The following PCDHA5 variants were observed in gnomAD, a reference collection of about 807,000 sequenced individuals.
The protein encoded by PCDHA5 is protocadherin alpha 5.
A neutral mutation model predicts 61.6 loss-of-function variants in PCDHA5; 43 were observed. That is an observed-to-expected ratio of 0.70 (90% CI 0.55 to 0.90). PCDHA5 has a LOEUF of 0.90. PCDHA5 is among the 40% of genes least tolerant of loss of function. PCDHA5 has a pLI of 0.00. For missense variants in PCDHA5, 1,298 were observed against 1,222.7 expected, an observed-to-expected ratio of 1.06 and a Z score of -0.92; for synonymous variants, 627 against 543.9, an observed-to-expected ratio of 1.15 and a Z score of -2.13.
intron 1 of PCDHA5, among the ~76,000 whole-genome samples, chr5:140,890,662 C>T (rs75284753): frequency 0.011 from 1,622 of 152,252 alleles, 17 homozygotes; most frequent in African/African-American, 0.028. Flanking sequence ...CAAAAGTTAA[C>T]TGAAACCCTT....
rs1299292999 is a variant in PCDHA5, at chr5:140,940,635, T to G, written c.2353-38314T>G. Among the ~76,000 whole-genome samples the G allele has an allele frequency of 5.3e-5, 8 of 152,214 alleles. 1 individual carries two copies. The highest frequency in any genetic ancestry group is 5.2e-4 in the Admixed American group (8 of 15,286). On this transcript the variant is annotated intron_variant, in intron 1 of 3. Coordinates refer to ENST00000529859, the MANE Select transcript of PCDHA5 (RefSeq NM_018908.3). ...GCTCCTGCAAATATTCTTAAGCTTG[T>G]CATTTATTTATTTAAATATATTAAA...
Position 140,908,264 on chromosome 5 carries a change from C to T in PCDHA5, c.2353-70685C>T, listed in dbSNP as rs184452768. Among the ~76,000 whole-genome samples the T allele has an allele frequency of 2.1e-4, 32 of 152,244 alleles. 1 individual carries two copies. Among genetic ancestry groups the T allele is most frequent in the African/African-American group, 6.3e-4 (26 of 41,538 alleles). Reference sequence around the variant, plus strand: ...CCTCATCAACTGATCATAGGGAACTCCCCATGAGGCCATTGTTGCAAGCTG... The same window carrying T: ...CCTCATCAACTGATCATAGGGAACTTCCCATGAGGCCATTGTTGCAAGCTG... On this transcript the variant is annotated intron_variant, in intron 1 of 3. Coordinates refer to ENST00000529859, the MANE Select transcript of PCDHA5 (RefSeq NM_018908.3).
At chr5:140,869,729 A>G (rs1554163384) in intron 1 of PCDHA5, 3 of 1,613,398 alleles carry the variant, frequency 1.9e-6, no homozygotes, top group Admixed American at 3.3e-5. Flanking sequence ...CCGGAACTTA[A>G]TTTGCTGCTA....
chr5:140,850,705 C>T, intron 1 of PCDHA5: 1 of 1,597,920 alleles, frequency 6.3e-7, no homozygotes, highest in South Asian at 1.1e-5. Context: ...CCTGGCAAGC[C>T]GACGCTGGTG....
intron 1 of PCDHA5, among the ~76,000 whole-genome samples, chr5:140,907,687 G>A (rs1554193091): frequency 6.6e-6 from 1 of 152,220 alleles, no homozygotes; most frequent in East Asian, 1.9e-4. Context: ...GCCTTGGTGA[G>A]TGGAAGTCCC....
At chr5:140,869,139 AC>A in intron 1 of PCDHA5, 1 of 1,613,274 alleles carries the variant, frequency 6.2e-7, no homozygotes. Flanking sequence ...TGGGCACCCC[AC>A]GACTACAGCT....
intron 1 of PCDHA5, among the ~76,000 whole-genome samples, chr5:140,915,245 C>T (rs1366061257): frequency 2.0e-5 from 3 of 152,088 alleles, no homozygotes; most frequent in Non-Finnish European, 4.4e-5. Flanking sequence ...CCATGCCTGG[C>T]CAGGTTGTTA....
In PCDHA5 at chr5:140,824,122, G is replaced by A. The variant is rs1768005836; in HGVS notation, c.2347G>A (p.Asp783Asn). 2 of 1,613,834 alleles carry A rather than the reference G, an allele frequency of 1.2e-6. No individual in the cohort carries two copies. The highest frequency in any genetic ancestry group is 1.7e-5 in the Admixed American group (1 of 60,010). Residue 783 changes from aspartate to asparagine, a missense_variant, in exon 1 of 4, where the codon GAC becomes AAC. Transcript: ENST00000529859. ...CCTTCCTCAGGGTCCCACCTCTACAGACAACGTGAGTTTTCTAATATTAAC... is the reference window on the plus strand; with the variant it reads ...CCTTCCTCAGGGTCCCACCTCTACAAACAACGTGAGTTTTCTAATATTAAC... The part of the protein sequence containing the change: ...PSLPQGPTST[D>N]NPRQPNPDWR...
At chr5:140,949,009 G>A (rs1563235030) in intron 1 of PCDHA5, among the ~76,000 whole-genome samples, 1 of 151,574 alleles carries the variant, frequency 6.6e-6, no homozygotes, top group Non-Finnish European at 1.5e-5. Context: ...ATTTTTATAT[G>A]TGATGTTTTT....
intron 1 of PCDHA5, chr5:140,927,497 T>A: frequency 6.2e-7 from 1 of 1,614,094 alleles, no homozygotes; most frequent in Non-Finnish European, 8.5e-7. Flanking sequence ...CACCTGCTGG[T>A]GCTTACAGCT....
intron 1 of PCDHA5, chr5:140,929,499 C>T: frequency 1.0e-6 from 1 of 980,264 alleles, no homozygotes; most frequent in Non-Finnish European, 1.4e-6. Context: ...GAAGATTGCC[C>T]TAGGCCTCAA....
chr5:140,862,550 G>A, intron 1 of PCDHA5: 2 of 458,460 alleles, frequency 4.4e-6, no homozygotes, highest in Admixed American at 2.4e-5. Flanking sequence ...GGAAGTGGCC[G>A]AACAGTGAAC....
rs782497691 is a variant in PCDHA5 at position 140,856,769 on chromosome 5, T to C, written c.2352+32642T>C. On this transcript the variant is annotated intron_variant, in intron 1 of 3. Transcript: ENST00000529859. ...AGATGCCAATGATAACGCCCCTATC[T>C]TTGACAGACCGGTTTATGAAGTTAA... is the stretch of plus-strand genomic sequence containing the variant. 1.8e-5 allele frequency: 28 copies of C among 1,596,572 alleles called. 4 individuals carry two copies. The highest frequency in any genetic ancestry group is 2.4e-5 in the Non-Finnish European group (28 of 1,166,742).
chr5:140,920,277 T>C (rs1275415444), intron 1 of PCDHA5, among the ~76,000 whole-genome samples: 1 of 152,230 alleles, frequency 6.6e-6, no homozygotes, highest in African/African-American at 2.4e-5. Context: ...TTATGTAATC[T>C]TATATTTTTT....
At chr5:140,975,940 G>A (rs562983011) in intron 1 of PCDHA5, among the ~76,000 whole-genome samples, 1 of 152,216 alleles carries the variant, frequency 6.6e-6, no homozygotes, top group Admixed American at 6.5e-5. Flanking sequence ...TGAAGCAATA[G>A]GACATATTAG....
intron 1 of PCDHA5, among the ~76,000 whole-genome samples, chr5:140,960,167 CTTAAG>C (rs1291277794): frequency 1.3e-5 from 2 of 152,052 alleles, no homozygotes; most frequent in Non-Finnish European, 2.9e-5. Context: ...TAATACAATT[CTTAAG>C]TTAGGGGTTG....
In PCDHA5 at chr5:140,839,872, A is replaced by G. The variant is rs1331265354; in HGVS notation, c.2352+15745A>G. ...TTACTTTTGAGGTGGACTTTGAAAG[A>G]TGAATAGAATTTTGACAGAAAAAGA... is the stretch of plus-strand genomic sequence containing the variant. On this transcript the variant is annotated intron_variant, in intron 1 of 3. Coordinates refer to ENST00000529859, the MANE Select transcript of PCDHA5 (RefSeq NM_018908.3). Among the ~76,000 whole-genome samples, 10 of 152,164 alleles carry G rather than the reference A, an allele frequency of 6.6e-5. 1 individual carries two copies. Among genetic ancestry groups the G allele is most frequent in the African/African-American group, 1.9e-4 (8 of 41,502 alleles).
intron 1 of PCDHA5, chr5:140,968,754 G>A (rs782271569): frequency 1.2e-5 from 19 of 1,614,052 alleles, no homozygotes; most frequent in South Asian, 2.2e-5. Context: ...GTGGTGGTCC[G>A]AGATAATGGA....
Position 140,849,847 on chromosome 5 carries a change from A to G in PCDHA5, c.2352+25720A>G, listed in dbSNP as rs2150453307. 2.4e-5 allele frequency: 39 copies of G among 1,598,408 alleles called. 5 individuals are homozygous for G. In the South Asian group the frequency reaches 2.8e-4, roughly 11 times the overall value. On this transcript the variant is annotated intron_variant, in intron 1 of 3. Transcript: ENST00000529859. ...GTGGAGGTGGCCGACGTGAACGACA[A>G]CGCACCAGCGTTCGCGCAGTCCGAG...
Sources: allele counts gnomAD v4.1 joint callset (sites outside exome capture counted in the v4.1 genomes callset), GRCh38; gene constraint gnomAD v4.1.1; transcripts MANE v1.5; gene names NCBI Gene and HGNC (gene_info 2026-07-23, HGNC 2026-07-21).